The following CEP112 variants were observed in gnomAD, a reference collection of about 807,000 sequenced individuals.
The protein encoded by CEP112 is centrosomal protein of 112 kDa.
In CEP112, 127 loss-of-function variants were observed where a neutral mutation model predicts 153.0. The ratio of observed to expected loss-of-function variants is 0.83; its 90% CI spans 0.72 to 0.96. CEP112 has a LOEUF of 0.96. CEP112 is among the 40% of genes least tolerant of loss of function. The probability of loss-of-function intolerance (pLI) is 0.00; values close to 1 mark genes in which losing one functional copy is unlikely to be tolerated. For missense variants in CEP112, 1,089 were observed against 1,101.2 expected (o/e 0.99, Z 0.16); for synonymous variants, 358 against 374.4 (o/e 0.96, Z 0.51).
chr17:66,080,321 A>C (rs1315586341), intron 8 of CEP112, among the ~76,000 whole-genome samples: 1 of 152,204 alleles, frequency 6.6e-6, no homozygotes, highest in Non-Finnish European at 1.5e-5. Context: ...ACAAGAAAAA[A>C]AACAAACAAC....
chr17:66,153,842 C>T (rs953118303), intron 4 of CEP112, among the ~76,000 whole-genome samples: 1 of 152,028 alleles, frequency 6.6e-6, no homozygotes, highest in African/African-American at 2.4e-5. Flanking sequence ...AAAAAACCCA[C>T]ACAAACAAGA....
intron 21 of CEP112, among the ~76,000 whole-genome samples, chr17:65,819,078 A>C (rs1445475846): frequency 6.6e-6 from 1 of 151,880 alleles, no homozygotes; most frequent in Non-Finnish European, 1.5e-5. Context: ...ATGACTTTTA[A>C]AAGTTTATTG....
intron 21 of CEP112, among the ~76,000 whole-genome samples, chr17:65,762,336 G>A (rs938149848): frequency 2.6e-5 from 4 of 151,704 alleles, no homozygotes; most frequent in Admixed American, 6.6e-5. Context: ...TTTAAAGCAG[G>A]TTTCTTGGAG....
chr17:65,716,404 G>A (rs1255049294), intron 23 of CEP112, among the ~76,000 whole-genome samples: 2 of 152,026 alleles, frequency 1.3e-5, no homozygotes, highest in Admixed American at 6.5e-5. Flanking sequence ...CAAGTGATCC[G>A]CCCACCTTGG....
intron 11 of CEP112, among the ~76,000 whole-genome samples, chr17:66,059,357 C>T (rs973301535): frequency 1.3e-5 from 2 of 152,008 alleles, no homozygotes; most frequent in Non-Finnish European, 2.9e-5. Context: ...ATCAAGTAAA[C>T]AGATAACTCA....
intron 20 of CEP112, among the ~76,000 whole-genome samples, chr17:65,884,863 A>G (rs1224496967): frequency 1.3e-5 from 2 of 151,766 alleles, no homozygotes; most frequent in Admixed American, 1.3e-4. Context: ...GATTACAGGC[A>G]TGTGCCACCA....
intron 20 of CEP112, among the ~76,000 whole-genome samples, chr17:65,879,414 T>G (rs904621054): frequency 3.9e-5 from 6 of 152,246 alleles, no homozygotes; most frequent in African/African-American, 1.4e-4. Flanking sequence ...TTTAGTTTTG[T>G]AAGACTAATT....
chr17:66,172,555 G>A (rs972418675), intron 4 of CEP112, among the ~76,000 whole-genome samples: 2 of 152,104 alleles, frequency 1.3e-5, no homozygotes, highest in African/African-American at 4.8e-5. Context: ...TACAATTGTG[G>A]GGATTTTACT....
At chr17:65,876,765 G>C (rs993827788) in intron 20 of CEP112, among the ~76,000 whole-genome samples, 3 of 151,556 alleles carry the variant, frequency 2.0e-5, no homozygotes, top group African/African-American at 7.3e-5. Flanking sequence ...GTTCTGTTTT[G>C]TGAAAAATAT....
At chr17:65,868,452 A>C (rs1160051681) in intron 20 of CEP112, among the ~76,000 whole-genome samples, 3 of 152,026 alleles carry the variant, frequency 2.0e-5, no homozygotes, top group African/African-American at 7.3e-5. Context: ...GCAAGCTGAG[A>C]TCATGCCACT....
At chr17:65,937,606 GGGA>G (rs1452166677) in intron 18 of CEP112, among the ~76,000 whole-genome samples, 1 of 103,116 alleles carries the variant, frequency 9.7e-6, no homozygotes, top group Non-Finnish European at 2.0e-5. Context: ...CGCCCCGTCC[GGGA>G]GGGAGGTGGG....
rs74004912 is a variant in CEP112, at chr17:65,698,915, C to A, written c.2608-9697G>T. Among the ~76,000 whole-genome samples, 497 of 152,264 alleles carry A rather than the reference C, an allele frequency of 3.3e-3. 3 individuals carry two copies. Among genetic ancestry groups the A allele is most frequent in the African/African-American group, 0.011 (453 of 41,560 alleles). ...CCAGGGAAGAGGGAGGACCCATAAG[C>A]CATTCATTTAAATTTCGATTTTCTT... is the stretch of plus-strand genomic sequence containing the variant. On this transcript the variant is annotated intron_variant, in intron 23 of 26. Coordinates refer to ENST00000535342, the MANE Select transcript of CEP112 (RefSeq NM_001199165.4).
At chr17:65,825,095 G>A (rs1422960675) in intron 21 of CEP112, among the ~76,000 whole-genome samples, 3 of 152,216 alleles carry the variant, frequency 2.0e-5, no homozygotes, top group Non-Finnish European at 4.4e-5. Flanking sequence ...TCCATTGGCA[G>A]ATGAATGGAT....
rs150555434 is a variant in CEP112 at position 66,097,226 on chromosome 17, T to G, written c.643-594A>C. Among the ~76,000 whole-genome samples the G allele has an allele frequency of 5.8e-4, 88 of 152,308 alleles. 1 individual carries two copies. In the East Asian group the frequency reaches 7.3e-3, roughly 13 times the overall value. The stretch of plus-strand genomic sequence containing the variant: ...TTGTTTTAACTTAAAAGCACTATAC[T>G]GTCTCCCATGTCTGAGTCTTTGCAA... On this transcript the variant is annotated intron_variant, in intron 6 of 26. Transcript: ENST00000535342.
intron 17 of CEP112, among the ~76,000 whole-genome samples, chr17:65,971,484 A>G (rs547647309): frequency 1.2e-3 from 152 of 130,584 alleles, no homozygotes; most frequent in Non-Finnish European, 1.5e-3. Context: ...TGCATGTATG[A>G]CATGAATGTC....
chr17:66,167,870 T>A (rs2056876957), intron 4 of CEP112, among the ~76,000 whole-genome samples: 1 of 152,220 alleles, frequency 6.6e-6, no homozygotes, highest in African/African-American at 2.4e-5. Context: ...TTGGAAAAGA[T>A]TTCTAGAACA....
intron 12 of CEP112, among the ~76,000 whole-genome samples, chr17:66,036,282 T>C (rs1211122698): frequency 6.6e-6 from 1 of 152,190 alleles, no homozygotes; most frequent in Admixed American, 6.5e-5. Context: ...GTTTTAAAGA[T>C]ATGCCAATAA....
chr17:65,645,813 G>T (rs1473657080), intron 24 of CEP112, among the ~76,000 whole-genome samples: 1 of 152,126 alleles, frequency 6.6e-6, no homozygotes. Flanking sequence ...TCATATGCTA[G>T]TTCCTTTTTC....
intron 8 of CEP112, among the ~76,000 whole-genome samples, chr17:66,078,261 TTC>T (rs1568465902): frequency 1.8e-5 from 2 of 113,218 alleles, no homozygotes; most frequent in African/African-American, 7.1e-5. Flanking sequence ...TCTTTTCTTT[TTC>T]TTTTTTTTTT....
Sources: allele counts gnomAD v4.1 joint callset (sites outside exome capture counted in the v4.1 genomes callset), GRCh38; gene constraint gnomAD v4.1.1; transcripts MANE v1.5; gene names NCBI Gene and HGNC (gene_info 2026-07-23, HGNC 2026-07-21).